EML5: variants seen among roughly 807,000 people sequenced by gnomAD.
The protein encoded by EML5 is EMAP like 5.
In EML5, 120 loss-of-function variants were observed where a neutral mutation model predicts 250.0. That is an observed-to-expected ratio of 0.48 (90% CI 0.41 to 0.56). The LOEUF is 0.56. EML5 is among the 20% of genes least tolerant of loss of function. EML5 has a pLI of 0.00. For synonymous variants in EML5, 771 were observed against 806.5 expected, an observed-to-expected ratio of 0.96 and a Z score of 0.75; for missense variants, 2,006 against 2,437.6, an observed-to-expected ratio of 0.82 and a Z score of 3.73.
At chr14:88,706,459 C>A (rs1320923632) in intron 10 of EML5, 33 bp from the exon 11 acceptor site, 8 of 1,417,988 alleles carry the variant, frequency 5.6e-6, no homozygotes, top group Non-Finnish European at 1.9e-6. Flanking sequence ...AATTGATAAA[C>A]AAATGCTAAA....
chr14:88,620,934 TAA>T lies in EML5; in HGVS notation c.5203-10_5203-9del, dbSNP rs35953031. 25,866 of 1,320,434 alleles carry T rather than the reference TAA, an allele frequency of 0.02. No homozygotes were observed. The highest frequency in any genetic ancestry group is 0.049 in the South Asian group (2,924 of 59,562). 81.8% of individuals were successfully genotyped at this position (1,320,434 alleles called of 1,614,324 possible). A position where few individuals can be genotyped will look rare whatever the true frequency, so the allele number is the denominator to read the frequency against. On this transcript the variant is annotated splice_polypyrimidine_tract_variant and intron_variant, in intron 38 of 43. Coordinates refer to ENST00000554922, the MANE Select transcript of EML5 (RefSeq NM_183387.3). The surrounding 1 kb of genome is among the most constrained non-coding windows in gnomAD (Gnocchi z 4.3). ...CACTTTGTTTAACATCTTCTGCATT[TAA>T]AAAAAAAAAAAAAAAGAGTCATAGG...
At chr14:88,698,265 C>CTTT (rs60164768) in intron 14 of EML5, among the ~76,000 whole-genome samples, 3,014 of 119,888 alleles carry the variant, frequency 0.025, 233 homozygotes, top group African/African-American at 0.089. Context: ...CTCCAGTTTC[C>CTTT]TTTTTTTTTT....
At chr14:88,618,088 CA>C (rs1471326271) in intron 41 of EML5, 139 bp downstream of exon 41, 2 of 570,156 alleles carry the variant, frequency 3.5e-6, no homozygotes, top group Non-Finnish European at 6.1e-6. Context: ...CCAACATGAA[CA>C]TACCATTTCA....
chr14:88,687,336 A>T lies in EML5; in HGVS notation c.2743-9T>A, dbSNP rs774046125. The T allele has an allele frequency of 1.3e-5, 20 of 1,561,790 alleles. No homozygotes were observed. Among genetic ancestry groups the T allele is most frequent in the East Asian group, 6.8e-5 (3 of 44,256 alleles). On this transcript the variant is annotated splice_polypyrimidine_tract_variant and intron_variant, in intron 18 of 43. Coordinates refer to ENST00000554922, the MANE Select transcript of EML5 (RefSeq NM_183387.3). ...CCTCCAGTTACAAACCCCTATGGAA[A>T]AAAAAAGGTTCAAGTTAATAAAGAT...
chr14:88,761,974 C>T (rs2094251019), intron 1 of EML5, among the ~76,000 whole-genome samples: 1 of 152,142 alleles, frequency 6.6e-6, no homozygotes. Context: ...TGCTTGTTGT[C>T]TGCATAAATG....
In EML5 at chr14:88,736,555, T is replaced by C. The variant is rs772543192; in HGVS notation, c.858A>G (p.Val286=). 2 of 1,613,900 alleles carry C rather than the reference T, an allele frequency of 1.2e-6. No homozygotes were observed. Among genetic ancestry groups the C allele is most frequent in the Non-Finnish European group, 1.7e-6 (2 of 1,179,832 alleles). ...GGTCACCTCGCCAACACACACTCCT[T>C]ACAGACAAACCTAGTAAAAAGTAAA... ...ETDQGYKGLS[V]RSVCWRGDHI... The change falls in exon 7 of 44, where the codon GTA becomes GTG. Residue 286 remains valine, a synonymous_variant. Coordinates refer to ENST00000554922, the MANE Select transcript of EML5 (RefSeq NM_183387.3).
chr14:88,639,136 G>A (rs2090914789), intron 31 of EML5, among the ~76,000 whole-genome samples: 1 of 152,204 alleles, frequency 6.6e-6, no homozygotes, highest in South Asian at 2.1e-4. Flanking sequence ...AAGATTCCAA[G>A]TGCCACAAGA....
chr14:88,663,562 T>C (rs999029479), intron 23 of EML5, among the ~76,000 whole-genome samples: 2 of 152,210 alleles, frequency 1.3e-5, no homozygotes, highest in African/African-American at 4.8e-5. Context: ...TCATATGCCA[T>C]GCATTCTGCT....
chr14:88,713,658 T>C (rs1324722098), intron 9 of EML5, among the ~76,000 whole-genome samples: 1 of 150,202 alleles, frequency 6.7e-6, no homozygotes, highest in East Asian at 2.0e-4. Context: ...GGTCTCACCA[T>C]GTTCCCTGGC....
chr14:88,640,634 A>G (rs2091010470), intron 31 of EML5, among the ~76,000 whole-genome samples: 1 of 152,216 alleles, frequency 6.6e-6, no homozygotes, highest in African/African-American at 2.4e-5. Context: ...ACAATCTAAC[A>G]TCACACCTGG....
intron 6 of EML5, among the ~76,000 whole-genome samples, chr14:88,738,010 C>T (rs11846241): frequency 0.4 from 60,986 of 151,958 alleles, 14,718 homozygotes; most frequent in African/African-American, 0.66. Context: ...AGGAAAGCTA[C>T]CGTGTTTTTC....
At chr14:88,650,513 T>A (rs2091570361) in intron 27 of EML5, among the ~76,000 whole-genome samples, 1 of 152,152 alleles carries the variant, frequency 6.6e-6, no homozygotes, top group African/African-American at 2.4e-5. Flanking sequence ...AAGAAAAAGG[T>A]AAAATTATCA....
intron 14 of EML5, among the ~76,000 whole-genome samples, chr14:88,697,744 A>T (rs995920805): frequency 3.3e-5 from 5 of 151,712 alleles, no homozygotes; most frequent in African/African-American, 7.3e-5. Context: ...TTTATTTTTT[A>T]TTTTTTTTGA....
chr14:88,618,574 C>T (rs2088181085), intron 40 of EML5, 76 bp downstream of exon 40: 2 of 1,498,126 alleles, frequency 1.3e-6, no homozygotes, highest in East Asian at 2.3e-5. Context: ...AGCTCAGGAA[C>T]TTTAAATGCA....
chr14:88,735,345 A>G (rs1448011221), intron 7 of EML5, among the ~76,000 whole-genome samples: 2 of 152,224 alleles, frequency 1.3e-5, no homozygotes, highest in Non-Finnish European at 2.9e-5. Flanking sequence ...ATAAACAGGT[A>G]TCATTAGATC....
intron 25 of EML5, among the ~76,000 whole-genome samples, chr14:88,660,371 C>T (rs1051898437): frequency 3.3e-4 from 50 of 151,366 alleles, no homozygotes; most frequent in African/African-American, 1.2e-3. Context: ...TAATATTTTA[C>T]AGTAGTTTGA....
chr14:88,628,620 A>C (rs1436038781), intron 33 of EML5, among the ~76,000 whole-genome samples: 3 of 152,112 alleles, frequency 2.0e-5, no homozygotes, highest in African/African-American at 7.2e-5. Context: ...TAAAAATACT[A>C]AAGTGCATTT....
chr14:88,724,529 T>G (rs2093638156), intron 8 of EML5, among the ~76,000 whole-genome samples: 1 of 152,036 alleles, frequency 6.6e-6, no homozygotes, highest in Non-Finnish European at 1.5e-5. Flanking sequence ...TCATCCAGTC[T>G]ACTGCATTCA....
At chr14:88,616,949 C>A in intron 41 of EML5, 70 bp from the exon 42 acceptor site, 1 of 1,488,742 alleles carries the variant, frequency 6.7e-7, no homozygotes, top group Non-Finnish European at 9.2e-7. Context: ...CAAAAAGTTT[C>A]TTGGCAATTA....
Sources: allele counts gnomAD v4.1 joint callset (sites outside exome capture counted in the v4.1 genomes callset), GRCh38; gene constraint gnomAD v4.1.1; non-coding constraint Gnocchi (gnomAD v3.1); transcripts MANE v1.5; gene names NCBI Gene and HGNC (gene_info 2026-07-23, HGNC 2026-07-21).